The following PLCD4 variants were observed in gnomAD, a reference collection of about 807,000 sequenced individuals.
The protein encoded by PLCD4 is 1-phosphatidylinositol 4,5-bisphosphate phosphodiesterase delta-4.
In PLCD4, 63 loss-of-function variants were observed where a neutral mutation model predicts 90.2. The observed-to-expected ratio is 0.70, with a 90% CI of 0.57 to 0.86. PLCD4 has a LOEUF of 0.86. PLCD4 is among the 40% of genes least tolerant of loss of function. The pLI is 0.00. For synonymous variants in PLCD4, 294 were observed against 356.5 expected (o/e 0.82, Z 1.97); for missense variants, 830 against 956.3 (o/e 0.87, Z 1.74).
rs746457248 is a variant in PLCD4 at position 218,621,611 on chromosome 2, G to A, written c.540+12G>A. 2 of 1,613,416 alleles carry A rather than the reference G, an allele frequency of 1.2e-6. No homozygotes were observed. The highest frequency in any genetic ancestry group is 2.2e-5 in the East Asian group (1 of 44,866). On this transcript the variant is annotated intron_variant, in intron 5 of 15. Coordinates refer to ENST00000450993, the MANE Select transcript of PLCD4 (RefSeq NM_032726.4). The stretch of plus-strand genomic sequence containing the variant: ...TCAGTCTTTTTCAGGTGAGTCTGTG[G>A]GGAAGGATTTCCAGCGGCCAACCAG...
chr2:218,610,336 G>A (rs1222309014), intron 1 of PLCD4, among the ~76,000 whole-genome samples: 4 of 151,414 alleles, frequency 2.6e-5, no homozygotes, highest in Non-Finnish European at 4.4e-5. Flanking sequence ...GTGAAACCCC[G>A]TCTCTACTAA....
rs534863670 is a variant in PLCD4, at chr2:218,628,127, G to T, written c.871G>T (p.Asp291Tyr). 1.1e-5 allele frequency: 17 copies of T among 1,614,018 alleles called. No homozygotes were observed. The African/African-American group carries it at 1.9e-4, about 18-fold the overall frequency. Residue 291 changes from aspartate to tyrosine, a missense_variant, in exon 7 of 16, where the codon GAT (aspartate) becomes TAT (tyrosine). Physicochemically the swap from Asp to Tyr is radical, Grantham distance 160 (BLOSUM62 -3). Transcript: ENST00000450993. ...FNPACLPIYQ[D>Y]MTQPLNHYFI... ...CCCAGCCTGCCTCCCCATCTATCAG[G>T]ATATGACTCAACCCCTGAACCACTA...
chr2:218,634,059 G>T lies in PLCD4; in HGVS notation c.1607-46G>T, dbSNP rs1446459354. On this transcript the variant is annotated intron_variant, in intron 11 of 15. Transcript: ENST00000450993. This position sits in a 1 kb window ranked among gnomAD's most constrained non-coding sequence, Gnocchi z 4.0. ...CATGGTCCTTGGGACTAGGGAAGTG[G>T]GAGATTCCACCCCACTTCCATCTCC... 1 of 1,562,584 alleles carries T rather than the reference G, an allele frequency of 6.4e-7. No individual in the cohort carries two copies. Among genetic ancestry groups the T allele is most frequent in the African/African-American group, 1.4e-5 (1 of 73,572 alleles).
intron 8 of PLCD4, 45 bp from the exon 9 acceptor site, chr2:218,630,605 G>A (rs1367670140): frequency 1.9e-6 from 3 of 1,612,690 alleles, no homozygotes; most frequent in Non-Finnish European, 2.5e-6. Flanking sequence ...GTAGGTTGCA[G>A]TGTTTTAGAA....
At position 218,622,710 on chromosome 2, in the gene PLCD4, T is replaced by C. The variant is rs373971060; in HGVS notation, c.604T>C (p.Leu202=). 160 of 1,614,028 alleles carry C rather than the reference T, an allele frequency of 9.9e-5. No individual in the cohort carries two copies. The highest frequency in any genetic ancestry group is 1.3e-4 in the Non-Finnish European group (150 of 1,179,894). ...AGAATTCGTACAGTTCTATAAGGCA[T>C]TGACTAAACGTGCTGAGGTGCAGGA... The part of the protein sequence containing the change: ...GEEFVQFYKA[L]TKRAEVQELF... Residue 202 remains leucine (L), a synonymous_variant, in exon 6 of 16, where the codon TTG becomes CTG. Transcript: ENST00000450993.
At chr2:218,613,005 A>T (rs1695411419) in intron 1 of PLCD4, among the ~76,000 whole-genome samples, 1 of 152,210 alleles carries the variant, frequency 6.6e-6, no homozygotes, top group African/African-American at 2.4e-5. Flanking sequence ...TAACTGCATG[A>T]TGTTTTAATG....
chr2:218,613,355 C>T (rs943073119), intron 1 of PLCD4, among the ~76,000 whole-genome samples: 2 of 137,666 alleles, frequency 1.5e-5, no homozygotes, highest in African/African-American at 2.7e-5. Context: ...TGTGCCATTG[C>T]ACTCCAGCCT....
chr2:218,620,428 C>T (rs1407413286), intron 4 of PLCD4, among the ~76,000 whole-genome samples: 1 of 151,862 alleles, frequency 6.6e-6, no homozygotes. Context: ...ATCACTTGAA[C>T]CGGAAAAGGT....
At chr2:218,635,014 G>A (rs527383944) in intron 13 of PLCD4, among the ~76,000 whole-genome samples, 63 of 152,264 alleles carry the variant, frequency 4.1e-4, no homozygotes, top group African/African-American at 1.4e-3. Flanking sequence ...CAAGGCAGGA[G>A]GACTGCTTGA....
rs771131126 is a variant in PLCD4, at chr2:218,633,406, T to G, written c.1450-199T>G. The stretch of plus-strand genomic sequence containing the variant: ...CCCAGGTTGTGACGTGCCCGCTGTT[T>G]TGTCCGTCTATCTGTTGTCAGATTG... On this transcript the variant is annotated intron_variant, in intron 10 of 15. Coordinates refer to ENST00000450993, the MANE Select transcript of PLCD4 (RefSeq NM_032726.4). The G allele has an allele frequency of 9.8e-5, 71 of 726,258 alleles. No homozygotes were observed. The Admixed American group carries it at 9.8e-4, about 10-fold the overall frequency. The allele number at this position is 726,258 out of a possible 1,614,324, so 45.0% of individuals were successfully genotyped here. A position where few individuals can be genotyped will look rare whatever the true frequency, so the allele number is the denominator to read the frequency against.
intron 9 of PLCD4, 37 bp from the exon 10 acceptor site, chr2:218,632,099 A>G: frequency 1.3e-6 from 2 of 1,553,026 alleles, no homozygotes; most frequent in Non-Finnish European, 8.7e-7. Flanking sequence ...ACCCAAGAGC[A>G]GACAGGTAGA....
chr2:218,615,906 C>G lies in PLCD4; in HGVS notation c.25C>G (p.Leu9Val). Residue 9 changes from leucine (L) to valine (V), a missense_variant and splice_region_variant, in exon 3 of 16, where the codon CTG becomes GTG. Leu to Val is a conservative substitution (Grantham distance 32). Transcript: ENST00000450993. ...AACCCCTGCTTTTCCTGACCTAGAG[C>G]TGACCACTGATCAGGACTTGCTGCT... MASLLQDQ[L>V]TTDQDLLLMQ... 6.2e-7 allele frequency: 1 copy of G among 1,614,050 alleles called. No homozygotes were observed. Among genetic ancestry groups the G allele is most frequent in the Non-Finnish European group, 8.5e-7 (1 of 1,179,892 alleles).
chr2:218,628,089 G>C lies in PLCD4; in HGVS notation c.833G>C (p.Gly278Ala). ...GFLSYLCSKD[G>A]DIFNPACLPI... ...CTCAGCTACCTCTGCTCTAAGGATG[G>C]AGACATCTTCAACCCAGCCTGCCTC... The change falls in exon 7 of 16, where the codon GGA becomes GCA. Residue 278 changes from glycine (G) to alanine (A), a missense_variant. Transcript: ENST00000450993. The C allele has an allele frequency of 1.9e-6, 3 of 1,614,034 alleles. No homozygotes were observed. Among genetic ancestry groups the C allele is most frequent in the Non-Finnish European group, 2.5e-6 (3 of 1,179,890 alleles).
chr2:218,614,514 T>C (rs1261656590), intron 1 of PLCD4, among the ~76,000 whole-genome samples: 1 of 151,232 alleles, frequency 6.6e-6, no homozygotes, highest in Non-Finnish European at 1.5e-5. Flanking sequence ...CATGGCACAA[T>C]CTTGGCTCAC....
chr2:218,618,023 C>T (rs1695697289), intron 3 of PLCD4, among the ~76,000 whole-genome samples: 1 of 151,826 alleles, frequency 6.6e-6, no homozygotes, highest in South Asian at 2.1e-4. Flanking sequence ...GGAGGTGGAG[C>T]TTGCAGTGAG....
chr2:218,628,292 A>T (rs1047683702), intron 7 of PLCD4, 62 bp downstream of exon 7: 5 of 1,513,000 alleles, frequency 3.3e-6, no homozygotes, highest in Non-Finnish European at 4.6e-6. Flanking sequence ...AAGTGAGGGG[A>T]GCTGTCAGTG....
chr2:218,622,997 A>G, intron 6 of PLCD4, 119 bp downstream of exon 6: 1 of 832,578 alleles, frequency 1.2e-6, no homozygotes, highest in Non-Finnish European at 1.9e-6. Context: ...CCCTATCCTG[A>G]CCCCTGCCCA....
At chr2:218,621,265 G>A (rs1267129326) in intron 4 of PLCD4, among the ~76,000 whole-genome samples, 2 of 152,188 alleles carry the variant, frequency 1.3e-5, no homozygotes, top group Non-Finnish European at 2.9e-5. Flanking sequence ...GCAACAGGGA[G>A]GTCCCTGCAG....
At chr2:218,612,996 A>G (rs934247152) in intron 1 of PLCD4, among the ~76,000 whole-genome samples, 2 of 152,176 alleles carry the variant, frequency 1.3e-5, no homozygotes, top group Non-Finnish European at 2.9e-5. Flanking sequence ...GAGTTGAACT[A>G]ACTGCATGAT....
Sources: allele counts gnomAD v4.1 joint callset (sites outside exome capture counted in the v4.1 genomes callset), GRCh38; gene constraint gnomAD v4.1.1; non-coding constraint Gnocchi (gnomAD v3.1); transcripts MANE v1.5; gene names NCBI Gene and HGNC (gene_info 2026-07-23, HGNC 2026-07-21).